The following DCT variants were observed in gnomAD, a reference collection of about 807,000 sequenced individuals.
The protein encoded by DCT is dopachrome tautomerase.
DCT carries 47 observed loss-of-function variants against 53.0 expected under a neutral mutation model. The ratio of observed to expected loss-of-function variants is 0.89; its 90% confidence interval spans 0.70 to 1.13. DCT has a LOEUF of 1.13. Ranked by LOEUF, DCT falls within the 50% of genes most tolerant of loss-of-function variation. The pLI is 0.00. For synonymous variants in DCT, 244 were observed against 237.0 expected, an observed-to-expected ratio of 1.03 and a Z score of -0.27; for missense variants, 669 against 637.4, an observed-to-expected ratio of 1.05 and a Z score of -0.53.
At chr13:94,472,713 C>G (rs1462482753) in intron 1 of DCT, among the ~76,000 whole-genome samples, 2 of 149,124 alleles carry the variant, frequency 1.3e-5, no homozygotes, top group Non-Finnish European at 3.0e-5. Context: ...TCCCTAGTAG[C>G]TGGGATTACA....
At chr13:94,503,337 G>A in the DCT span, among the ~76,000 whole-genome samples, 5 of 150,898 alleles carry the variant, frequency 3.3e-5, no homozygotes, top group Non-Finnish European at 7.4e-5. Context: ...CCAAGATCAC[G>A]CCACTGCACT....
At chr13:94,462,599 T>C (rs1883889461) in intron 4 of DCT, among the ~76,000 whole-genome samples, 1 of 151,998 alleles carries the variant, frequency 6.6e-6, no homozygotes, top group Non-Finnish European at 1.5e-5. Context: ...GTCACAATCA[T>C]GGTAAAATTG....
intron 6 of DCT, among the ~76,000 whole-genome samples, chr13:94,456,056 G>A (rs1157796249): frequency 6.6e-6 from 1 of 152,174 alleles, no homozygotes; most frequent in Admixed American, 6.5e-5. Context: ...AAAATGATGT[G>A]AACTATCAAG....
the DCT span, among the ~76,000 whole-genome samples, chr13:94,508,098 GT>G: frequency 6.6e-6 from 1 of 152,324 alleles, no homozygotes; most frequent in African/African-American, 2.4e-5. Flanking sequence ...GATGCTGTTA[GT>G]AAAAAGTGAT....
At chr13:94,449,226 T>C (rs1882933343) in intron 6 of DCT, among the ~76,000 whole-genome samples, 1 of 152,106 alleles carries the variant, frequency 6.6e-6, no homozygotes, top group Non-Finnish European at 1.5e-5. Context: ...CCTGCAGGCA[T>C]AAAGAAAATA....
chr13:94,500,176 C>T, the DCT span, among the ~76,000 whole-genome samples: 1 of 152,152 alleles, frequency 6.6e-6, no homozygotes, highest in Non-Finnish European at 1.5e-5. Flanking sequence ...CCTCACTTCC[C>T]ATCCCTGACA....
At chr13:94,467,930 T>C (rs558845740) in intron 2 of DCT, 2 of 152,254 alleles carry the variant, frequency 1.3e-5, no homozygotes, top group East Asian at 3.9e-4. Context: ...CTGGAATACA[T>C]TGGTGTCTAT....
the DCT span, among the ~76,000 whole-genome samples, chr13:94,513,327 T>C: frequency 6.6e-6 from 1 of 152,204 alleles, no homozygotes; most frequent in Non-Finnish European, 1.5e-5. Context: ...CCTGGGCATA[T>C]AAATTACTCT....
At chr13:94,481,586 G>A (rs1885448097), upstream of DCT, among the ~76,000 whole-genome samples, 2 of 152,122 alleles carry the variant, frequency 1.3e-5, no homozygotes, top group Non-Finnish European at 2.9e-5. Flanking sequence ...CCAGGTCGAA[G>A]TCCTAGGATC....
the DCT span, among the ~76,000 whole-genome samples, chr13:94,519,227 T>C: frequency 1.6e-4 from 24 of 152,216 alleles, no homozygotes; most frequent in Non-Finnish European, 3.2e-4. Flanking sequence ...GTTATTTGAT[T>C]CATTTAATGT....
At chr13:94,451,243 A>T (rs1029512384) in intron 6 of DCT, among the ~76,000 whole-genome samples, 1 of 152,236 alleles carries the variant, frequency 6.6e-6, no homozygotes, top group Non-Finnish European at 1.5e-5. Flanking sequence ...TTTAAAAAGC[A>T]TAAATACATG....
chr13:94,525,853 G>C, the DCT span, among the ~76,000 whole-genome samples: 1 of 152,160 alleles, frequency 6.6e-6, no homozygotes, highest in Non-Finnish European at 1.5e-5. Flanking sequence ...TTAGCCAGGC[G>C]TGGTGGTGCC....
upstream of DCT, among the ~76,000 whole-genome samples, chr13:94,481,179 G>A (rs1885427011): frequency 1.3e-5 from 2 of 152,334 alleles, no homozygotes; most frequent in African/African-American, 2.4e-5. Flanking sequence ...CTTATTGGAT[G>A]TAGAGCCCAC....
rs762340057 is a variant in DCT, at chr13:94,465,744, C to T, written c.752G>A (p.Arg251Lys). 1.9e-6 allele frequency: 3 copies of T among 1,612,768 alleles called. No homozygotes were observed. The highest frequency in any genetic ancestry group is 2.5e-6 in the Non-Finnish European group (3 of 1,179,448). Reference sequence around the variant, plus strand: ...GTCTGTACACACATCACACTCGTTCCTCCCAGTGGCAAAGTTCCAGTAGGG... The same window carrying T: ...GTCTGTACACACATCACACTCGTTCTTCCCAGTGGCAAAGTTCCAGTAGGG... Reference protein sequence around the residue: ...ALPYWNFATGRNECDVCTDQL... With the variant: ...ALPYWNFATGKNECDVCTDQL... Residue 251 changes from arginine to lysine, a missense_variant, in exon 4 of 8, where the codon AGG (arginine) becomes AAG (lysine). Transcript: ENST00000377028.
chr13:94,452,087 C>T (rs975259916), intron 6 of DCT, among the ~76,000 whole-genome samples: 5 of 151,946 alleles, frequency 3.3e-5, no homozygotes, highest in East Asian at 3.9e-4. Flanking sequence ...GGCTGGAGTG[C>T]GATGGCACGA....
the DCT span, among the ~76,000 whole-genome samples, chr13:94,488,855 C>T: frequency 6.7e-5 from 9 of 134,048 alleles, no homozygotes; most frequent in Non-Finnish European, 1.5e-4. Context: ...CACATATGTA[C>T]ACATACATAC....
chr13:94,477,215 C>T (rs1885147289), intron 1 of DCT, among the ~76,000 whole-genome samples: 2 of 152,094 alleles, frequency 1.3e-5, no homozygotes, highest in Non-Finnish European at 1.5e-5. Context: ...CCTGTCTCAG[C>T]CCCCAGAGTA....
intron 6 of DCT, among the ~76,000 whole-genome samples, chr13:94,453,323 A>C (rs1883215334): frequency 1.3e-5 from 2 of 152,174 alleles, no homozygotes; most frequent in Non-Finnish European, 2.9e-5. Flanking sequence ...ACATATGAGA[A>C]TATGAAAAGA....
At chr13:94,483,921 T>G (rs1023208775), upstream of DCT, among the ~76,000 whole-genome samples, 3 of 152,206 alleles carry the variant, frequency 2.0e-5, no homozygotes, top group African/African-American at 7.2e-5. Flanking sequence ...CCTGCTACGA[T>G]CTAAGCAAAG....
Sources: gnomAD v4.1 joint callset for allele counts (sites outside exome capture counted in the v4.1 genomes callset) on GRCh38, gnomAD v4.1.1 for gene constraint, MANE v1.5 for transcripts, NCBI Gene and HGNC (gene_info 2026-07-23, HGNC 2026-07-21) for gene names.